Variants in MCF2L2 observed in about 807,000 individuals in gnomAD.
MCF2L2 encodes MCF.2 cell line derived transforming sequence-like 2.
In MCF2L2, 102 loss-of-function variants were observed where a neutral mutation model predicts 150.2. The ratio of observed to expected loss-of-function variants is 0.68; its 90% CI spans 0.58 to 0.80. The LOEUF (loss-of-function observed/expected upper bound fraction) is 0.80, where lower values mean the gene tolerates loss of function less well. Ranked by LOEUF, MCF2L2 falls within the 30% of genes least tolerant of loss-of-function variation. The pLI is 0.00. For synonymous variants in MCF2L2, 465 were observed against 491.3 expected (o/e 0.95, Z 0.71); for missense variants, 1,256 against 1,372.8 (o/e 0.91, Z 1.34).
rs41443045 is a variant in MCF2L2 at position 183,219,917 on chromosome 3, A to C, written c.2309T>G (p.Leu770Arg). Reference sequence around the variant, plus strand: ...CATATCTTCAGGAGACTCGAAATCCAGCAGACCCTGCATTAACCCAAAAGT... The same window carrying C: ...CATATCTTCAGGAGACTCGAAATCCCGCAGACCCTGCATTAACCCAAAAGT... ...IKYQMLLKGL[L>R]DFESPEDMEI... Residue 770 changes from leucine (L) to arginine (R), a missense_variant, in exon 21 of 30, where the codon CTG (leucine) becomes CGG (arginine). Physicochemically the swap from Leu to Arg is moderately radical, Grantham distance 102. Coordinates refer to ENST00000328913, the MANE Select transcript of MCF2L2 (RefSeq NM_015078.4). The C allele has an allele frequency of 1.9e-5, 30 of 1,613,062 alleles. No homozygotes were observed. The East Asian group carries it at 6.7e-4, about 36-fold the overall frequency.
chr3:183,419,129 T>C (rs145887405), intron 1 of MCF2L2, among the ~76,000 whole-genome samples: 2,392 of 152,364 alleles, frequency 0.016, 70 homozygotes, highest in African/African-American at 0.054. Flanking sequence ...CTGCCAAAGC[T>C]TGGGGCTTGC....
At position 183,297,036 on chromosome 3, in the gene MCF2L2, C is replaced by T. The variant is rs572258801; in HGVS notation, c.1437G>A (p.Pro479=). ...TGTAAAACTCCTTGGGGCTGAGCAA[C>T]GGGTACTCCTTGACTGTGCCCAGGA... ...ATFLGTVKEY[P]LLSPKEFYNE... is the part of the protein sequence containing the mutation. Residue 479 remains proline, a synonymous_variant, in exon 12 of 30, where the codon CCG becomes CCA. Transcript: ENST00000328913. 6.6e-5 allele frequency: 107 copies of T among 1,614,110 alleles called. 1 individual carries two copies. Among genetic ancestry groups the T allele is most frequent in the South Asian group, 6.4e-4 (58 of 91,076 alleles).
intron 15 of MCF2L2, 189 bp downstream of exon 15, chr3:183,276,683 C>T (rs1006597472): frequency 3.7e-5 from 17 of 458,804 alleles, no homozygotes; most frequent in South Asian, 3.4e-4. Flanking sequence ...TCACTTTAAG[C>T]TCTTTTGCTT....
chr3:183,341,484 G>A, intron 4 of MCF2L2, 56 bp downstream of exon 4: 1 of 1,379,966 alleles, frequency 7.2e-7, no homozygotes, highest in South Asian at 1.2e-5. Context: ...ATATGAAATA[G>A]TTGAACAGAC....
chr3:183,353,171 C>A (rs1179872666), intron 3 of MCF2L2, among the ~76,000 whole-genome samples: 1 of 151,652 alleles, frequency 6.6e-6, no homozygotes, highest in African/African-American at 2.4e-5. Context: ...TAAAAAAAAC[C>A]CAAAGCCTCT....
intron 27 of MCF2L2, among the ~76,000 whole-genome samples, chr3:183,189,499 G>A (rs777635774): frequency 1.9e-4 from 29 of 152,296 alleles, no homozygotes; most frequent in Middle Eastern, 6.8e-3. Context: ...ACTGGGAACC[G>A]TCTTAAGTGA....
rs376982256 is a variant in MCF2L2, at chr3:183,195,213, A to T, written c.2918+9T>A. 7.5e-6 allele frequency: 12 copies of T among 1,595,286 alleles called. No homozygotes were observed. Among genetic ancestry groups the T allele is most frequent in the Non-Finnish European group, 9.4e-6 (11 of 1,173,132 alleles). The stretch of plus-strand genomic sequence containing the variant: ...GACATGCCTTTAAAATAAAAAAATC[A>T]GTACTCACCTCGTGCTCATTTCAAA... On this transcript the variant is annotated intron_variant, in intron 26 of 29. Transcript: ENST00000328913.
intron 20 of MCF2L2, 64 bp from the exon 21 acceptor site, chr3:183,219,988 C>T: frequency 8.4e-7 from 1 of 1,191,968 alleles, no homozygotes; most frequent in East Asian, 2.3e-5. Flanking sequence ...TGTAGATTGT[C>T]AACAAAATCT....
At chr3:183,403,720 G>A (rs1315699675) in intron 1 of MCF2L2, among the ~76,000 whole-genome samples, 2 of 152,196 alleles carry the variant, frequency 1.3e-5, no homozygotes, top group African/African-American at 4.8e-5. Flanking sequence ...AAGCTTCTAC[G>A]GAAATATATG....
chr3:183,316,299 ATT>A (rs11330224), intron 7 of MCF2L2, among the ~76,000 whole-genome samples: 3,566 of 149,702 alleles, frequency 0.024, 129 homozygotes, highest in African/African-American at 0.08. Flanking sequence ...TTCAGTCCAG[ATT>A]TTTTTTTTTT....
chr3:183,269,081 T>A (rs1726444257), intron 15 of MCF2L2, among the ~76,000 whole-genome samples: 1 of 152,170 alleles, frequency 6.6e-6, no homozygotes, highest in African/African-American at 2.4e-5. Flanking sequence ...TAATGGATTT[T>A]TACTGCTGTG....
intron 3 of MCF2L2, among the ~76,000 whole-genome samples, chr3:183,351,559 T>C (rs1577083357): frequency 6.6e-6 from 1 of 152,016 alleles, no homozygotes; most frequent in African/African-American, 2.4e-5. Flanking sequence ...ATCAGGACAA[T>C]TGGTAACTCT....
Position 183,199,083 on chromosome 3 carries a change from T to C in MCF2L2, c.2885-3828A>G, listed in dbSNP as rs183372993. Among the ~76,000 whole-genome samples the C allele has an allele frequency of 1.9e-4, 29 of 152,302 alleles. No homozygotes were observed. The East Asian group carries it at 5.2e-3, about 27-fold the overall frequency. On this transcript the variant is annotated intron_variant, in intron 25 of 29. Coordinates refer to ENST00000328913, the MANE Select transcript of MCF2L2 (RefSeq NM_015078.4). Reference sequence around the variant, plus strand: ...TCAAGAACTTATGTTGCTTGGTTTTTGTGACAGAAAACTGATGTGGTGGCT... The same window carrying C: ...TCAAGAACTTATGTTGCTTGGTTTTCGTGACAGAAAACTGATGTGGTGGCT...
chr3:183,317,929 A>C, intron 7 of MCF2L2, 139 bp downstream of exon 7: 1 of 1,062,270 alleles, frequency 9.4e-7, no homozygotes, highest in Middle Eastern at 3.0e-4. Flanking sequence ...GGAAGGTTTA[A>C]GATGATCAGT....
In MCF2L2 at chr3:183,398,477, C is replaced by A. The variant is rs1577123476; in HGVS notation, c.77-8698G>T. ...TTTGGGTGTTTGTTACAGCAGCTGG[C>A]GCTACTCTAACTTAGAGGAATTCAT... On this transcript the variant is annotated intron_variant, in intron 1 of 29. Transcript: ENST00000328913. Among the ~76,000 whole-genome samples, 3 of 151,628 alleles carry A rather than the reference C, an allele frequency of 2.0e-5. No individual in the cohort carries two copies. In the South Asian group the frequency reaches 6.2e-4, roughly 32 times the overall value.
chr3:183,266,361 C>G (rs1203975152), intron 15 of MCF2L2, among the ~76,000 whole-genome samples: 1 of 152,232 alleles, frequency 6.6e-6, no homozygotes, highest in East Asian at 1.9e-4. Flanking sequence ...GGTTACTTTC[C>G]TCTTTGTTCC....
chr3:183,251,993 G>T (rs997185435), intron 15 of MCF2L2, among the ~76,000 whole-genome samples: 2 of 147,258 alleles, frequency 1.4e-5, no homozygotes, highest in Admixed American at 6.9e-5. Context: ...TATCTGGTGT[G>T]TTTATCTGTA....
intron 3 of MCF2L2, chr3:183,371,945 T>A (rs1379898388): frequency 6.6e-6 from 1 of 151,902 alleles, no homozygotes; most frequent in Non-Finnish European, 1.5e-5. Flanking sequence ...TCCGTCTTTT[T>A]TCCACGAGGA....
intron 2 of MCF2L2, among the ~76,000 whole-genome samples, chr3:183,382,710 TTAAAA>T (rs1713606096): frequency 6.6e-6 from 1 of 152,176 alleles, no homozygotes; most frequent in Non-Finnish European, 1.5e-5. Context: ...AAATGATAAC[TTAAAA>T]TAAACTTTAC....
Sources: gnomAD v4.1 joint callset for allele counts (sites outside exome capture counted in the v4.1 genomes callset) on GRCh38, gnomAD v4.1.1 for gene constraint, MANE v1.5 for transcripts, NCBI Gene and HGNC (gene_info 2026-07-23, HGNC 2026-07-21) for gene names.